The following DISP1 variants were observed in gnomAD, a reference collection of about 807,000 sequenced individuals.
The protein encoded by DISP1 is dispatched RND transporter family member 1, also known as protein dispatched homolog 1.
Under a neutral mutation model 37.3 loss-of-function variants are expected in DISP1, and 30 were observed. The observed-to-expected ratio is 0.80, with a 90% CI of 0.60 to 1.09. The LOEUF (loss-of-function observed/expected upper bound fraction) is 1.09. Ranked by LOEUF, DISP1 falls within the 50% of genes least tolerant of loss-of-function variation. The probability of loss-of-function intolerance (pLI) is 0.00; values close to 1 mark genes in which losing one functional copy is unlikely to be tolerated. For missense variants in DISP1, 1,598 were observed against 1,879.5 expected, an observed-to-expected ratio of 0.85 and a Z score of 2.77; for synonymous variants, 634 against 690.2, an observed-to-expected ratio of 0.92 and a Z score of 1.28.
At chr1:222,942,056 A>G (rs1389273215) in intron 2 of DISP1, among the ~76,000 whole-genome samples, 2 of 151,612 alleles carry the variant, frequency 1.3e-5, no homozygotes, top group Non-Finnish European at 2.9e-5. Context: ...TTGAGCATCT[A>G]AGGATCTTCC....
At chr1:222,914,190 G>C (rs17163559) in intron 1 of DISP1, among the ~76,000 whole-genome samples, 10 of 151,826 alleles carry the variant, frequency 6.6e-5, no homozygotes, top group Non-Finnish European at 1.5e-4. Flanking sequence ...CCTTTAGGGA[G>C]ACTTATGCAA....
intron 1 of DISP1, among the ~76,000 whole-genome samples, chr1:222,824,279 G>T (rs1663722120): frequency 6.6e-6 from 1 of 152,064 alleles, no homozygotes; most frequent in Non-Finnish European, 1.5e-5. Context: ...GATCATATAT[G>T]CCAGACACTG....
At chr1:222,885,246 ATT>A (rs1203722425) in intron 1 of DISP1, among the ~76,000 whole-genome samples, 1 of 152,082 alleles carries the variant, frequency 6.6e-6, no homozygotes, top group Non-Finnish European at 1.5e-5. Context: ...CCTCATGAAT[ATT>A]TATTTTATTC....
chr1:222,844,520 G>A (rs1667789558), intron 1 of DISP1, among the ~76,000 whole-genome samples: 1 of 152,018 alleles, frequency 6.6e-6, no homozygotes, highest in Non-Finnish European at 1.5e-5. Context: ...GTATTAGACC[G>A]TTAAAACAAA....
rs141354603 is a variant in DISP1, at chr1:222,877,289, A to G, written c.-158-51141A>G. On this transcript the variant is annotated intron_variant, in intron 1 of 8. Transcript: ENST00000675850. ...AGGTTTAATGGATTTACAGTTCTCC[A>G]TGGCTGGGGAGGCTTACAATCATGG... 4.2e-3 allele frequency among the ~76,000 whole-genome samples: 634 copies of G among 152,290 alleles called. 12 individuals carry two copies. The highest frequency in any genetic ancestry group is 0.018 in the Admixed American group (274 of 15,300).
At chr1:222,973,152 T>C (rs1677077503) in intron 3 of DISP1, among the ~76,000 whole-genome samples, 1 of 152,210 alleles carries the variant, frequency 6.6e-6, no homozygotes, top group African/African-American at 2.4e-5. Flanking sequence ...GTGAGAAATT[T>C]TCAAATAAAA....
intron 3 of DISP1, among the ~76,000 whole-genome samples, chr1:222,976,098 ATTTGGGTTTGTT>A (rs1373111749): frequency 6.6e-6 from 1 of 152,148 alleles, no homozygotes. Context: ...ATTGCTGCTT[ATTTGGGTTTGTT>A]TTTATTAAAA....
Position 222,881,299 on chromosome 1 carries a change from G to A in DISP1, c.-158-47131G>A, listed in dbSNP as rs763787434. On this transcript the variant is annotated intron_variant, in intron 1 of 8. Transcript: ENST00000675850. ...CAACCTCCGCCTCCCAGGTTCAAGC[G>A]ATTCTTCTGCCTCAGCCTCCTGAAT... Among the ~76,000 whole-genome samples, 41 of 152,208 alleles carry A rather than the reference G, an allele frequency of 2.7e-4. 1 individual carries two copies. The highest frequency in any genetic ancestry group is 2.5e-3 in the Admixed American group (38 of 15,290).
At chr1:222,956,817 C>T (rs1203976044) in intron 3 of DISP1, among the ~76,000 whole-genome samples, 2 of 151,978 alleles carry the variant, frequency 1.3e-5, no homozygotes, top group Non-Finnish European at 2.9e-5. Context: ...TCTTGGATCT[C>T]ATATTAATGA....
At chr1:222,944,750 C>T (rs1217542622) in intron 3 of DISP1, among the ~76,000 whole-genome samples, 2 of 152,204 alleles carry the variant, frequency 1.3e-5, no homozygotes, top group South Asian at 2.1e-4. Flanking sequence ...TGCACTCTTT[C>T]GTGTTTGGCA....
chr1:222,904,631 G>A (rs777535764), intron 1 of DISP1, among the ~76,000 whole-genome samples: 6 of 150,662 alleles, frequency 4.0e-5, no homozygotes, highest in South Asian at 2.1e-4. Flanking sequence ...ATAGTAGCGC[G>A]GTCTCGGCTC....
intron 1 of DISP1, among the ~76,000 whole-genome samples, chr1:222,856,829 G>A (rs1024579974): frequency 2.5e-4 from 37 of 149,080 alleles, no homozygotes; most frequent in African/African-American, 7.7e-4. Context: ...TCAGCCTCCC[G>A]AGTAGCAGGG....
chr1:222,999,505 A>G (rs182824550), intron 8 of DISP1, among the ~76,000 whole-genome samples: 1 of 152,296 alleles, frequency 6.6e-6, no homozygotes, highest in African/African-American at 2.4e-5. Context: ...CCATTGTCAC[A>G]TCATACTTAC....
intron 8 of DISP1, among the ~76,000 whole-genome samples, chr1:222,996,899 T>A (rs1044966639): frequency 1.3e-5 from 2 of 152,168 alleles, no homozygotes; most frequent in African/African-American, 4.8e-5. Context: ...AGTATCCTTT[T>A]TTTTCTTAAA....
At chr1:222,865,498 T>C (rs780005873) in intron 1 of DISP1, among the ~76,000 whole-genome samples, 1 of 152,194 alleles carries the variant, frequency 6.6e-6, no homozygotes, top group African/African-American at 2.4e-5. Flanking sequence ...ACTTCCATCT[T>C]AAAAGCCTTT....
chr1:222,920,602 A>C (rs1672759553), intron 1 of DISP1, among the ~76,000 whole-genome samples: 2 of 152,166 alleles, frequency 1.3e-5, no homozygotes, highest in Admixed American at 1.3e-4. Flanking sequence ...TGAAATCCGC[A>C]ATAAACTAAC....
intron 1 of DISP1, among the ~76,000 whole-genome samples, chr1:222,894,484 G>T (rs1671128331): frequency 6.6e-6 from 1 of 152,258 alleles, no homozygotes; most frequent in African/African-American, 2.4e-5. Flanking sequence ...CACCCGCCCG[G>T]GTTGCGACAG....
At chr1:222,894,160 A>T (rs1671103280) in intron 1 of DISP1, among the ~76,000 whole-genome samples, 1 of 152,066 alleles carries the variant, frequency 6.6e-6, no homozygotes, top group Non-Finnish European at 1.5e-5. Context: ...AAGCTCCCTA[A>T]GTTCTCACTC....
intron 8 of DISP1, among the ~76,000 whole-genome samples, chr1:223,001,516 A>G (rs2102790621): frequency 6.6e-6 from 1 of 152,318 alleles, no homozygotes; most frequent in Non-Finnish European, 1.5e-5. Flanking sequence ...TTGATTCACC[A>G]AACAGTCTTT....
Sources: gnomAD v4.1 joint callset for allele counts (sites outside exome capture counted in the v4.1 genomes callset) on GRCh38, gnomAD v4.1.1 for gene constraint, MANE v1.5 for transcripts, NCBI Gene and HGNC (gene_info 2026-07-23, HGNC 2026-07-21) for gene names.